DAB1: variants seen among roughly 807,000 people sequenced by gnomAD.
The protein encoded by DAB1 is disabled homolog 1.
In DAB1, 15 loss-of-function variants were observed where a neutral mutation model predicts 64.6. That is an observed-to-expected ratio of 0.23 (90% CI 0.16 to 0.36). The LOEUF is 0.36. Among genes scored for constraint, DAB1 ranks in the 10% least tolerant of loss-of-function variants. The pLI is 1.00. For synonymous variants in DAB1, 235 were observed against 251.9 expected (o/e 0.93, Z 0.64); for missense variants, 596 against 706.7 (o/e 0.84, Z 1.78).
chr1:57,301,910 C>T (rs866585724), intron 1 of DAB1, among the ~76,000 whole-genome samples: 1 of 152,188 alleles, frequency 6.6e-6, no homozygotes, highest in African/African-American at 2.4e-5. Context: ...CTAATAGATG[C>T]CACCTTCTCC....
At chr1:57,376,989 C>T (rs1344015773) in intron 1 of DAB1, among the ~76,000 whole-genome samples, 1 of 152,114 alleles carries the variant, frequency 6.6e-6, no homozygotes, top group Non-Finnish European at 1.5e-5. Context: ...CGGCCACTGT[C>T]CAGGTGCCGG....
chr1:58,151,864 G>A (rs1228288396), intron 4 of DAB1, among the ~76,000 whole-genome samples: 1 of 152,196 alleles, frequency 6.6e-6, no homozygotes, highest in African/African-American at 2.4e-5. Flanking sequence ...TCCATTGGAA[G>A]AACGGTTGAA....
At chr1:57,565,145 A>G (rs1645102324) in intron 7 of DAB1, among the ~76,000 whole-genome samples, 1 of 152,238 alleles carries the variant, frequency 6.6e-6, no homozygotes, top group Admixed American at 6.5e-5. Context: ...AATAATTTTC[A>G]ACCCAGAATT....
chr1:57,275,416 G>C (rs1323929196), intron 2 of DAB1, among the ~76,000 whole-genome samples: 1 of 152,178 alleles, frequency 6.6e-6, no homozygotes, highest in African/African-American at 2.4e-5. Flanking sequence ...TAGGAAAGAT[G>C]ACCAGAACTA....
chr1:57,160,332 TA>T (rs1204561733), intron 2 of DAB1, among the ~76,000 whole-genome samples: 3 of 152,118 alleles, frequency 2.0e-5, no homozygotes, highest in Middle Eastern at 3.2e-3. Flanking sequence ...TCCCTTCTTA[TA>T]GTTGAGGAAA....
intron 7 of DAB1, among the ~76,000 whole-genome samples, chr1:57,494,896 A>T (rs1320630938): frequency 6.6e-6 from 1 of 152,120 alleles, no homozygotes; most frequent in Non-Finnish European, 1.5e-5. Flanking sequence ...TATAAATAAC[A>T]TGCTTAGATA....
intron 9 of DAB1, among the ~76,000 whole-genome samples, chr1:57,029,896 G>C (rs556002754): frequency 1.3e-5 from 2 of 152,276 alleles, no homozygotes; most frequent in East Asian, 3.9e-4. Flanking sequence ...TGAGACTTTG[G>C]ACTGTGGACT....
chr1:57,180,202 C>T (rs1283599003), intron 2 of DAB1, among the ~76,000 whole-genome samples: 1 of 152,178 alleles, frequency 6.6e-6, no homozygotes, highest in African/African-American at 2.4e-5. Context: ...GGGGGATCCT[C>T]ACTGAGTCTG....
intron 5 of DAB1, among the ~76,000 whole-genome samples, chr1:58,031,172 G>A (rs969277310): frequency 1.3e-5 from 2 of 152,180 alleles, no homozygotes; most frequent in East Asian, 3.9e-4. Flanking sequence ...ATGTGAATAT[G>A]TATGTGGCTT....
exon 2 of DAB1, chr1:57,826,359 A>T (rs77295962): frequency 0.013 from 2,047 of 152,346 alleles, 61 homozygotes; most frequent in East Asian, 0.13. Flanking sequence ...TAGAAGAGGA[A>T]TAAACAGGAC....
intron 2 of DAB1, among the ~76,000 whole-genome samples, chr1:57,165,211 CT>C (rs1201747941): frequency 1.3e-5 from 2 of 152,020 alleles, no homozygotes; most frequent in African/African-American, 2.4e-5. Context: ...TCCTAAACAA[CT>C]TTTTTTGTCG....
intron 5 of DAB1, among the ~76,000 whole-genome samples, chr1:58,145,907 C>T (rs187992685): frequency 1.3e-5 from 2 of 152,294 alleles, no homozygotes; most frequent in East Asian, 3.9e-4. Context: ...TCTACCTCTG[C>T]CACCCATGAG....
intron 4 of DAB1, among the ~76,000 whole-genome samples, chr1:58,177,033 T>C (rs574335386): frequency 5.9e-5 from 9 of 152,036 alleles, no homozygotes; most frequent in Non-Finnish European, 1.3e-4. Flanking sequence ...TAAATTAAAT[T>C]TCAATATGAA....
At chr1:57,161,831 C>T (rs1474196612) in intron 2 of DAB1, among the ~76,000 whole-genome samples, 1 of 150,412 alleles carries the variant, frequency 6.6e-6, no homozygotes, top group East Asian at 1.9e-4. Context: ...AGTGCATACA[C>T]ACGCAAACAC....
At chr1:58,015,564 G>A (rs765361026) in intron 5 of DAB1, among the ~76,000 whole-genome samples, 2 of 152,200 alleles carry the variant, frequency 1.3e-5, no homozygotes, top group East Asian at 3.9e-4. Flanking sequence ...AGCATCCATG[G>A]CTTCTGTTGT....
chr1:57,407,356 G>A (rs1412023073), intron 1 of DAB1, among the ~76,000 whole-genome samples: 1 of 151,922 alleles, frequency 6.6e-6, no homozygotes, highest in Non-Finnish European at 1.5e-5. Flanking sequence ...AGCTGAAAAA[G>A]AAAAAATAAA....
chr1:57,144,458 G>C (rs1356915990), intron 3 of DAB1, among the ~76,000 whole-genome samples: 2 of 152,030 alleles, frequency 1.3e-5, no homozygotes, highest in African/African-American at 4.8e-5. Flanking sequence ...CACTTTGGGA[G>C]GCCGAGGCGG....
At position 57,072,274 on chromosome 1, in the gene DAB1, G is replaced by T. The variant is rs1237129723; in HGVS notation, c.438+9C>A. On this transcript the variant is annotated intron_variant, in intron 5 of 14. Transcript: ENST00000371236. Reference sequence around the variant, plus strand: ...AGGAAAGACTCCCTTCTTGGATAGGGATACTCACCGCCTGGGCTGTTTTTA... The same window carrying T: ...AGGAAAGACTCCCTTCTTGGATAGGTATACTCACCGCCTGGGCTGTTTTTA... 6 of 1,612,984 alleles carry T rather than the reference G, an allele frequency of 3.7e-6. No individual in the cohort carries two copies. The African/African-American group carries it at 5.3e-5, about 14-fold the overall frequency.
At chr1:57,696,429 G>A (rs1646846997) in intron 6 of DAB1, among the ~76,000 whole-genome samples, 1 of 152,076 alleles carries the variant, frequency 6.6e-6, no homozygotes, top group African/African-American at 2.4e-5. Flanking sequence ...CTGTGGGGTT[G>A]GGAAAACCCT....
Sources: allele counts gnomAD v4.1 joint callset (sites outside exome capture counted in the v4.1 genomes callset), GRCh38; gene constraint gnomAD v4.1.1; transcripts MANE v1.5; gene names NCBI Gene and HGNC (gene_info 2026-07-23, HGNC 2026-07-21).